Variants in RAPH1 observed in about 807,000 individuals in gnomAD.
RAPH1 encodes the protein Ras association (RalGDS/AF-6) and pleckstrin homology domains 1, also known as ras-associated and pleckstrin homology domains-containing protein 1.
Under a neutral mutation model 88.1 loss-of-function variants are expected in RAPH1, and 18 were observed. That is an observed-to-expected ratio of 0.20 (90% CI 0.14 to 0.30). The LOEUF (loss-of-function observed/expected upper bound fraction) is 0.30. RAPH1 is among the 10% of genes least tolerant of loss of function. The pLI is 1.00. For missense variants in RAPH1, 1,448 were observed against 1,543.2 expected, an observed-to-expected ratio of 0.94 and a Z score of 1.03; for synonymous variants, 587 against 559.0, an observed-to-expected ratio of 1.05 and a Z score of -0.71.
At chr2:203,459,419 G>A (rs955631525) in intron 7 of RAPH1, among the ~76,000 whole-genome samples, 4 of 152,162 alleles carry the variant, frequency 2.6e-5, no homozygotes, top group Non-Finnish European at 1.5e-5. Flanking sequence ...TTTGGAATAA[G>A]GAAAGATGTC....
chr2:203,438,145 C>G lies in RAPH1; in HGVS notation c.*1292G>C. The G allele has an allele frequency of 1.9e-6, 1 of 518,806 alleles. No individual in the cohort carries two copies. Among genetic ancestry groups the G allele is most frequent in the South Asian group, 1.4e-5 (1 of 71,448 alleles). 32.1% of individuals were successfully genotyped at this position (518,806 alleles called of 1,614,324 possible). On this transcript the variant is annotated 3_prime_UTR_variant, in exon 14 of 14. Transcript: ENST00000319170. ...CCACTCCATCAGAACACCTAGTAACCTGAACTAATCACAACCAGGCTGCAG... is the reference window on the plus strand; with the variant it reads ...CCACTCCATCAGAACACCTAGTAACGTGAACTAATCACAACCAGGCTGCAG...
chr2:203,462,071 A>C (rs1381531850), intron 4 of RAPH1, 146 bp from the exon 5 acceptor site: 4 of 519,482 alleles, frequency 7.7e-6, no homozygotes, highest in Non-Finnish European at 6.4e-6. Flanking sequence ...AACTGTTCAC[A>C]AAGAGCAGAC....
At position 203,440,665 on chromosome 2, in the gene RAPH1, T is replaced by C; in HGVS notation, c.2525A>G (p.Lys842Arg). 6.5e-7 allele frequency: 1 copy of C among 1,545,778 alleles called. No homozygotes were observed. Among genetic ancestry groups the C allele is most frequent in the Non-Finnish European group, 8.7e-7 (1 of 1,145,158 alleles). ...PVPVPPPTLP[K>R]QQSFCAKPPP... ...GGGTTTTGCACAGAAGCTCTGTTGCTTGGGTAATGTTGGCGGGGGTACTGG... is the reference window on the plus strand; with the variant it reads ...GGGTTTTGCACAGAAGCTCTGTTGCCTGGGTAATGTTGGCGGGGGTACTGG... Residue 842 changes from lysine (K) to arginine (R), a missense_variant, in exon 14 of 14, where the codon AAG (lysine) becomes AGG (arginine). By Grantham distance (26) the Lys-to-Arg change is conservative. Transcript: ENST00000319170.
At chr2:203,508,493 T>C (rs1442906624) in intron 1 of RAPH1, among the ~76,000 whole-genome samples, 2 of 152,160 alleles carry the variant, frequency 1.3e-5, no homozygotes, top group Non-Finnish European at 2.9e-5. Context: ...AGTTTTCCCT[T>C]GGCACCAGGG....
In RAPH1 at chr2:203,438,682, TC is replaced by T. The variant is rs1218033704; in HGVS notation, c.*754del. 2 of 159,634 alleles carry T rather than the reference TC, an allele frequency of 1.3e-5. No homozygotes were observed. The highest frequency in any genetic ancestry group is 2.7e-5 in the Non-Finnish European group (2 of 73,016). The allele number at this position is 159,634 out of a possible 1,614,324, so 9.9% of individuals were successfully genotyped here. ...GGCAAAGAGCTTATCTGTCAGCACATCCTAAATGTGGGTGGATCACTGCAGC... is the reference window on the plus strand; with the variant it reads ...GGCAAAGAGCTTATCTGTCAGCACATCTAAATGTGGGTGGATCACTGCAGC... On this transcript the variant is annotated 3_prime_UTR_variant, in exon 14 of 14. Coordinates refer to ENST00000319170, the MANE Select transcript of RAPH1 (RefSeq NM_213589.3).
At chr2:203,519,381 T>TA (rs1430931626) in intron 1 of RAPH1, among the ~76,000 whole-genome samples, 1 of 152,066 alleles carries the variant, frequency 6.6e-6, no homozygotes, top group South Asian at 2.1e-4. Flanking sequence ...ATCAACAGGC[T>TA]AAAAAAATTT....
At chr2:203,519,864 T>C (rs1458082156) in intron 1 of RAPH1, among the ~76,000 whole-genome samples, 4 of 152,208 alleles carry the variant, frequency 2.6e-5, no homozygotes, top group Non-Finnish European at 5.9e-5. Context: ...TTCTCCAGTA[T>C]CAAACACTCA....
At chr2:203,491,037 T>C (rs1262083840) in intron 3 of RAPH1, among the ~76,000 whole-genome samples, 177 bp downstream of exon 3, 3 of 140,362 alleles carry the variant, frequency 2.1e-5, no homozygotes, top group African/African-American at 8.0e-5. Flanking sequence ...AAAGCGAAAC[T>C]CTGTCTCAAA....
chr2:203,445,948 A>G (rs1348523444), intron 12 of RAPH1: 1 of 151,890 alleles, frequency 6.6e-6, no homozygotes, highest in African/African-American at 2.4e-5. Flanking sequence ...GGTTTTAAAG[A>G]AATTCTCCTT....
intron 4 of RAPH1, among the ~76,000 whole-genome samples, chr2:203,485,629 C>T (rs752938032): frequency 2.6e-5 from 4 of 152,100 alleles, no homozygotes; most frequent in South Asian, 4.2e-4. Context: ...GAAGGAAAAC[C>T]CAAGGTCATT....
intron 4 of RAPH1, among the ~76,000 whole-genome samples, chr2:203,469,495 C>T (rs1360060082): frequency 1.3e-5 from 2 of 152,032 alleles, no homozygotes; most frequent in African/African-American, 4.8e-5. Context: ...GATACAATAA[C>T]AACAACTTAG....
chr2:203,482,267 C>T (rs984201166), intron 4 of RAPH1, among the ~76,000 whole-genome samples: 1 of 152,128 alleles, frequency 6.6e-6, no homozygotes, highest in Admixed American at 6.5e-5. Context: ...CTCACTGCAA[C>T]CTCTGCCGCC....
intron 1 of RAPH1, among the ~76,000 whole-genome samples, chr2:203,527,190 A>G (rs1348298268): frequency 6.6e-6 from 1 of 152,208 alleles, no homozygotes; most frequent in Non-Finnish European, 1.5e-5. Context: ...ACATCTTATT[A>G]GAAGTTCTAT....
chr2:203,501,983 T>A (rs1688759226), intron 1 of RAPH1, among the ~76,000 whole-genome samples: 1 of 152,240 alleles, frequency 6.6e-6, no homozygotes, highest in Middle Eastern at 3.4e-3. Context: ...ATATAAGATA[T>A]CTTGATTAAC....
Position 203,434,822 on chromosome 2 carries a change from C to T in RAPH1, c.*4615G>A, listed in dbSNP as rs1432411528. 6.6e-6 allele frequency: 1 copy of T among 152,510 alleles called. No individual in the cohort carries two copies. The highest frequency in any genetic ancestry group is 6.6e-5 in the Admixed American group (1 of 15,258). The allele number at this position is 152,510 out of a possible 1,614,324, so 9.4% of individuals were successfully genotyped here. ...TAAAATATGTAGTGTTCACCATCAC[C>T]CTGACTCAATTCACTTCTCTAAATG... On this transcript the variant is annotated 3_prime_UTR_variant, in exon 14 of 14. Transcript: ENST00000319170.
chr2:203,457,668 T>A, intron 7 of RAPH1, 73 bp from the exon 8 acceptor site: 1 of 1,088,214 alleles, frequency 9.2e-7, no homozygotes, highest in Non-Finnish European at 1.4e-6. Flanking sequence ...TCCATTCTGT[T>A]ATTCCCTTGG....
intron 4 of RAPH1, among the ~76,000 whole-genome samples, chr2:203,481,799 AC>A (rs1299896639): frequency 6.7e-6 from 1 of 148,644 alleles, no homozygotes; most frequent in Non-Finnish European, 1.5e-5. Flanking sequence ...ACGGGGTTTC[AC>A]CATGTTGGCC....
At chr2:203,441,667 A>G in intron 13 of RAPH1, 1 of 1,309,872 alleles carries the variant, frequency 7.6e-7, no homozygotes, top group Non-Finnish European at 9.7e-7. Context: ...AATCTAGGAA[A>G]AATGTCCGGC....
intron 1 of RAPH1, among the ~76,000 whole-genome samples, chr2:203,503,107 G>A (rs1688813441): frequency 6.6e-6 from 1 of 152,180 alleles, no homozygotes; most frequent in Non-Finnish European, 1.5e-5. Flanking sequence ...TCCCGCCATT[G>A]CATTCCAGGC....
Sources: gnomAD v4.1 joint callset for allele counts (sites outside exome capture counted in the v4.1 genomes callset) on GRCh38, gnomAD v4.1.1 for gene constraint, MANE v1.5 for transcripts, NCBI Gene and HGNC (gene_info 2026-07-23, HGNC 2026-07-21) for gene names.